Variants in RABL3 observed in about 807,000 individuals in gnomAD.
RABL3 encodes RAB, member of RAS oncogene family like 3.
RABL3 carries 31 observed loss-of-function variants against 31.8 expected under a neutral mutation model. The ratio of observed to expected loss-of-function variants is 0.97; its 90% CI spans 0.73 to 1.31. The LOEUF is 1.31. Among genes scored for constraint, RABL3 ranks in the 40% most tolerant of loss-of-function variants. The pLI is 0.00. For synonymous variants in RABL3, 97 were observed against 99.9 expected (o/e 0.97, Z 0.18); for missense variants, 263 against 279.6 (o/e 0.94, Z 0.42).
rs544104825 is a variant in RABL3, at chr3:120,709,365, CTCTT to C, written c.268+411_268+414del. On this transcript the variant is annotated intron_variant, in intron 3 of 7. Coordinates refer to ENST00000273375, the MANE Select transcript of RABL3 (RefSeq NM_173825.5). ...AACTAGCTGAGAAAGAGCCTTAGGG[CTCTT>C]TCTAAGGGGCAGATGAAAGAAATCC... Among the ~76,000 whole-genome samples, 360 of 152,060 alleles carry C rather than the reference CTCTT, an allele frequency of 2.4e-3. 3 individuals carry two copies. The highest frequency in any genetic ancestry group is 8.1e-3 in the African/African-American group (338 of 41,516).
chr3:120,729,455 G>A (rs1454653185), intron 2 of RABL3, among the ~76,000 whole-genome samples: 4 of 152,078 alleles, frequency 2.6e-5, no homozygotes, highest in African/African-American at 9.7e-5. Context: ...TTTCCATGAA[G>A]TAGAGTAGCA....
At position 120,698,506 on chromosome 3, in the gene RABL3, G is replaced by C. The variant is rs977481540; in HGVS notation, c.451C>G (p.Gln151Glu). The change falls in exon 5 of 8, where the codon CAG (glutamine) becomes GAG (glutamate). Residue 151 changes from glutamine to glutamate, a missense_variant. Transcript: ENST00000273375. ...PLLVIGTKLDQIHETKRHEVL... is the reference protein window; with the variant it reads ...PLLVIGTKLDEIHETKRHEVL... ...TCATGGCGCTTTGTTTCATGAATCTGGTCCAGTTTAGTCCCTATTACCAAC... is the reference window on the plus strand; with the variant it reads ...TCATGGCGCTTTGTTTCATGAATCTCGTCCAGTTTAGTCCCTATTACCAAC... 6.2e-7 allele frequency: 1 copy of C among 1,613,456 alleles called. No homozygotes were observed. Among genetic ancestry groups the C allele is most frequent in the Non-Finnish European group, 8.5e-7 (1 of 1,179,622 alleles).
At chr3:120,732,142 A>G (rs1466313193) in intron 1 of RABL3, among the ~76,000 whole-genome samples, 1 of 152,332 alleles carries the variant, frequency 6.6e-6, no homozygotes, top group South Asian at 2.1e-4. Flanking sequence ...GCAGGTGGTT[A>G]TTGTGATTAT....
In RABL3 at chr3:120,730,714, G is replaced by A. The variant is rs1180914140; in HGVS notation, c.120C>T (p.Gly40=). The A allele has an allele frequency of 1.9e-6, 3 of 1,612,792 alleles. No individual in the cohort carries two copies. The highest frequency in any genetic ancestry group is 2.5e-6 in the Non-Finnish European group (3 of 1,179,078). The part of the protein sequence containing the change: ...QVLGNPSWTV[G]CSVDVRVHDY... ...CACATACTCTGACATCCACTGAGCA[G>A]CCCACAGTCCATGATGGATTTCCCA... Residue 40 remains glycine, a synonymous_variant, in exon 2 of 8, where the codon GGC becomes GGT. Transcript: ENST00000273375.
At chr3:120,733,545 C>T (rs530774858) in intron 1 of RABL3, among the ~76,000 whole-genome samples, 3 of 152,098 alleles carry the variant, frequency 2.0e-5, no homozygotes, top group Non-Finnish European at 4.4e-5. Flanking sequence ...TTTTGCTGTG[C>T]AGAAGCTAGT....
At chr3:120,703,589 T>C (rs1253197856) in intron 4 of RABL3, among the ~76,000 whole-genome samples, 2 of 151,812 alleles carry the variant, frequency 1.3e-5, no homozygotes, top group Admixed American at 6.6e-5. Context: ...AAACTGTATA[T>C]GGAAAAACAA....
intron 2 of RABL3, among the ~76,000 whole-genome samples, chr3:120,720,026 C>A (rs547092137): frequency 1.3e-5 from 2 of 152,334 alleles, no homozygotes; most frequent in South Asian, 4.1e-4. Flanking sequence ...TTGCTGTTCA[C>A]CAATATCCGC....
At chr3:120,736,124 G>C (rs562414295) in intron 1 of RABL3, among the ~76,000 whole-genome samples, 1 of 152,284 alleles carries the variant, frequency 6.6e-6, no homozygotes, top group Non-Finnish European at 1.5e-5. Context: ...TTGTTGATCT[G>C]TCTAATGTTG....
At chr3:120,739,110 G>A (rs1042981934) in intron 1 of RABL3, among the ~76,000 whole-genome samples, 4 of 152,202 alleles carry the variant, frequency 2.6e-5, no homozygotes, top group Admixed American at 2.6e-4. Flanking sequence ...CAGGTGCGTT[G>A]GCTCACACCT....
At chr3:120,736,583 A>G (rs1383383250) in intron 1 of RABL3, among the ~76,000 whole-genome samples, 1 of 152,170 alleles carries the variant, frequency 6.6e-6, no homozygotes, top group Non-Finnish European at 1.5e-5. Context: ...TCATGATGTT[A>G]GCTGGTTATT....
In RABL3 at chr3:120,690,367, T is replaced by C. The variant is rs371061711; in HGVS notation, c.645+82A>G. On this transcript the variant is annotated intron_variant, in intron 7 of 7. Transcript: ENST00000273375. ...GCCTATAAAGGGCTTTCCCCAACTT[T>C]TTAAAACTACTTCTGAACTTAAATT... The C allele has an allele frequency of 4.7e-6, 5 of 1,055,204 alleles. No homozygotes were observed. The African/African-American group carries it at 6.3e-5, about 13-fold the overall frequency. 65.4% of individuals were successfully genotyped at this position (1,055,204 alleles called of 1,614,324 possible).
At position 120,698,405 on chromosome 3, in the gene RABL3, A is replaced by G; in HGVS notation, c.534+18T>C. 3 of 1,605,596 alleles carry G rather than the reference A, an allele frequency of 1.9e-6. No individual in the cohort carries two copies. The highest frequency in any genetic ancestry group is 2.6e-6 in the Non-Finnish European group (3 of 1,174,330). ...TTACCCGATAATAATACAAGCATGC[A>G]TTAGTGAAAATACATACCAAATTAA... On this transcript the variant is annotated intron_variant, in intron 5 of 7. Coordinates refer to ENST00000273375, the MANE Select transcript of RABL3 (RefSeq NM_173825.5).
chr3:120,720,274 G>C (rs1401307084), intron 2 of RABL3, among the ~76,000 whole-genome samples: 4 of 152,230 alleles, frequency 2.6e-5, no homozygotes, highest in African/African-American at 9.6e-5. Context: ...GAAAATCAGA[G>C]TGCCTCTCCT....
Position 120,736,648 on chromosome 3 carries a change from C to T in RABL3, c.46+5814G>A, listed in dbSNP as rs564353781. Among the ~76,000 whole-genome samples the T allele has an allele frequency of 1.2e-4, 19 of 152,294 alleles. No individual in the cohort carries two copies. The East Asian group carries it at 3.7e-3, about 29-fold the overall frequency. ...AGCCTCAATGGTCTTTACAATTTGGCATGTTTTTGCAGTGGCTGGTACCAG... is the reference window on the plus strand; with the variant it reads ...AGCCTCAATGGTCTTTACAATTTGGTATGTTTTTGCAGTGGCTGGTACCAG... On this transcript the variant is annotated intron_variant, in intron 1 of 7. Transcript: ENST00000273375.
chr3:120,736,956 C>G (rs764981725), intron 1 of RABL3, among the ~76,000 whole-genome samples: 2 of 152,226 alleles, frequency 1.3e-5, no homozygotes, highest in Non-Finnish European at 2.9e-5. Flanking sequence ...CTGCCCTTAA[C>G]ATTTTTTCCT....
Position 120,702,525 on chromosome 3 carries a change from C to T in RABL3, c.383+3475G>A, listed in dbSNP as rs144622937. Among the ~76,000 whole-genome samples the T allele has an allele frequency of 3.0e-3, 461 of 152,032 alleles. 3 individuals are homozygous for T. Among genetic ancestry groups the T allele is most frequent in the African/African-American group, 9.3e-3 (384 of 41,478 alleles). On this transcript the variant is annotated intron_variant, in intron 4 of 7. Coordinates refer to ENST00000273375, the MANE Select transcript of RABL3 (RefSeq NM_173825.5). ...CAGGCCATGGACCAGGGGTTGGGAACGCCTGCTTACAAATACAGAGGAAGG... is the reference window on the plus strand; with the variant it reads ...CAGGCCATGGACCAGGGGTTGGGAATGCCTGCTTACAAATACAGAGGAAGG...
intron 1 of RABL3, 95 bp from the exon 2 acceptor site, chr3:120,730,882 G>A: frequency 1.3e-6 from 1 of 795,132 alleles, no homozygotes; most frequent in South Asian, 1.4e-5. Context: ...ATAATGTTAA[G>A]TAAAGCATAG....
intron 3 of RABL3, 100 bp from the exon 4 acceptor site, chr3:120,706,214 AAT>A (rs1487829508): frequency 2.8e-6 from 2 of 715,692 alleles, no homozygotes; most frequent in Non-Finnish European, 4.9e-6. Flanking sequence ...TAGGTTGCTT[AAT>A]GAATCTAGCA....
intron 6 of RABL3, among the ~76,000 whole-genome samples, chr3:120,692,493 C>T (rs557827267): frequency 4.9e-4 from 74 of 152,248 alleles, no homozygotes; most frequent in African/African-American, 1.7e-3. Context: ...GCACCGTGCC[C>T]GGCTGGAGAA....
Sources: gnomAD v4.1 joint callset for allele counts (sites outside exome capture counted in the v4.1 genomes callset) on GRCh38, gnomAD v4.1.1 for gene constraint, MANE v1.5 for transcripts, NCBI Gene and HGNC (gene_info 2026-07-23, HGNC 2026-07-21) for gene names.